LMX1A: variants seen among roughly 807,000 people sequenced by gnomAD.
LMX1A encodes LIM homeobox transcription factor 1-alpha.
LMX1A carries 15 observed loss-of-function variants against 49.1 expected under a neutral mutation model. The ratio of observed to expected loss-of-function variants is 0.31; its 90% CI spans 0.20 to 0.47. The LOEUF (loss-of-function observed/expected upper bound fraction) is 0.47, where lower values mean the gene tolerates loss of function less well. Ranked by LOEUF, LMX1A falls within the 20% of genes least tolerant of loss-of-function variation. The pLI is 1.00. For missense variants in LMX1A, 372 were observed against 475.8 expected, an observed-to-expected ratio of 0.78 and a Z score of 2.03; for synonymous variants, 167 against 185.7, an observed-to-expected ratio of 0.90 and a Z score of 0.82.
At chr1:165,289,242 TAA>T (rs36056880) in intron 3 of LMX1A, among the ~76,000 whole-genome samples, 23,129 of 147,738 alleles carry the variant, frequency 0.16, 2,025 homozygotes, top group Non-Finnish European at 0.2. Context: ...TGATTATTGA[TAA>T]AAAAAAAAAA....
chr1:165,226,488 ACAGT>A (rs1218326403), intron 4 of LMX1A, among the ~76,000 whole-genome samples: 1 of 152,214 alleles, frequency 6.6e-6, no homozygotes, highest in Non-Finnish European at 1.5e-5. Context: ...GTCCTCCCTC[ACAGT>A]CAGCTGTTTC....
At chr1:165,330,638 G>C (rs891044838) in intron 3 of LMX1A, among the ~76,000 whole-genome samples, 1 of 152,160 alleles carries the variant, frequency 6.6e-6, no homozygotes, top group Non-Finnish European at 1.5e-5. Context: ...TATTGAAAGG[G>C]AGTCACCACA....
chr1:165,298,680 G>C (rs2101722468), intron 3 of LMX1A, among the ~76,000 whole-genome samples: 1 of 152,306 alleles, frequency 6.6e-6, no homozygotes, highest in African/African-American at 2.4e-5. Flanking sequence ...CCCACATAAG[G>C]TGTAACTTCC....
Position 165,208,079 on chromosome 1 carries a change from G to T in LMX1A, c.801C>A (p.Thr267=), listed in dbSNP as rs759281992. The part of the protein sequence containing the change: ...QQQQQQDQQN[T]QRLSSAQTNG... ...CCAGCTTACCAGAGCTCAGCCTCTG[G>T]GTGTTCTGCTGATCTTGCTGCTGCT... Residue 267 remains threonine (T), a synonymous_variant, in exon 7 of 9, where the codon ACC becomes ACA. Coordinates refer to ENST00000342310, the MANE Select transcript of LMX1A (RefSeq NM_177398.4). 39 of 1,613,876 alleles carry T rather than the reference G, an allele frequency of 2.4e-5. No individual in the cohort carries two copies. The highest frequency in any genetic ancestry group is 3.3e-5 in the Admixed American group (2 of 60,000).
chr1:165,344,558 G>T (rs1160767135), intron 3 of LMX1A, among the ~76,000 whole-genome samples: 4 of 152,214 alleles, frequency 2.6e-5, no homozygotes, highest in African/African-American at 9.7e-5. Context: ...AAAGGAGGCT[G>T]AAATAAAGGA....
At chr1:165,259,373 C>T (rs1653355379) in intron 3 of LMX1A, among the ~76,000 whole-genome samples, 1 of 152,226 alleles carries the variant, frequency 6.6e-6, no homozygotes, top group African/African-American at 2.4e-5. Flanking sequence ...TAACACCCAG[C>T]ATATGTTCAG....
At chr1:165,244,734 T>A (rs1652780176) in intron 4 of LMX1A, among the ~76,000 whole-genome samples, 2 of 152,218 alleles carry the variant, frequency 1.3e-5, no homozygotes, top group South Asian at 4.1e-4. Flanking sequence ...CTCCAAAGTG[T>A]CTACCAATCT....
rs764510347 is a variant in LMX1A at position 165,213,806 on chromosome 1, A to G, written c.504T>C (p.Ser168=). 4 of 1,613,668 alleles carry G rather than the reference A, an allele frequency of 2.5e-6. No individual in the cohort carries two copies. The South Asian group carries it at 4.4e-5, about 18-fold the overall frequency. Residue 168 remains serine (S), a synonymous_variant, in exon 5 of 9, where the codon AGT becomes AGC. Transcript: ENST00000342310. ...ACTTGCAGAGACTTTCTTCATCATCACTTTTACCTGAAAGAAGCAAAAGAC... is the reference window on the plus strand; with the variant it reads ...ACTTGCAGAGACTTTCTTCATCATCGCTTTTACCTGAAAGAAGCAAAAGAC... ...VSPAASDSGK[S]DDEESLCKSA...
At chr1:165,261,103 C>T (rs1451535416) in intron 3 of LMX1A, among the ~76,000 whole-genome samples, 3 of 152,154 alleles carry the variant, frequency 2.0e-5, no homozygotes, top group Non-Finnish European at 4.4e-5. Flanking sequence ...AGCTCAGGGT[C>T]CTGAATCCCC....
At chr1:165,346,143 G>C (rs1292831872) in intron 3 of LMX1A, among the ~76,000 whole-genome samples, 1 of 152,160 alleles carries the variant, frequency 6.6e-6, no homozygotes, top group Non-Finnish European at 1.5e-5. Flanking sequence ...TGTAGGATAA[G>C]GCACTCCAAT....
chr1:165,240,021 G>T (rs1486669249), intron 4 of LMX1A, among the ~76,000 whole-genome samples: 1 of 152,172 alleles, frequency 6.6e-6, no homozygotes, highest in Non-Finnish European at 1.5e-5. Flanking sequence ...CTTCTGTTAT[G>T]ACCCATGAGT....
At chr1:165,230,431 A>G (rs1040426408) in intron 4 of LMX1A, among the ~76,000 whole-genome samples, 9 of 152,208 alleles carry the variant, frequency 5.9e-5, no homozygotes, top group African/African-American at 2.2e-4. Context: ...CTATCTAGAT[A>G]GTAATCTGTG....
chr1:165,295,137 C>T (rs1654578961), intron 3 of LMX1A, among the ~76,000 whole-genome samples: 1 of 151,970 alleles, frequency 6.6e-6, no homozygotes, highest in Admixed American at 6.6e-5. Flanking sequence ...AGGATTTAAA[C>T]TGATGTTGGA....
chr1:165,219,618 A>G (rs1326687238), intron 4 of LMX1A, among the ~76,000 whole-genome samples: 1 of 152,246 alleles, frequency 6.6e-6, no homozygotes, highest in Non-Finnish European at 1.5e-5. Flanking sequence ...AGAGGCAAAA[A>G]GTGCAGTTCT....
intron 3 of LMX1A, among the ~76,000 whole-genome samples, chr1:165,342,944 G>A: frequency 6.6e-6 from 1 of 152,164 alleles, no homozygotes; most frequent in East Asian, 1.9e-4. Flanking sequence ...GTGACCTTGG[G>A]CAAGTTGTTA....
intron 4 of LMX1A, among the ~76,000 whole-genome samples, chr1:165,245,394 C>A (rs545235600): frequency 6.6e-6 from 1 of 152,178 alleles, no homozygotes; most frequent in Non-Finnish European, 1.5e-5. Flanking sequence ...AGACACAGTT[C>A]TACCCTACGT....
At chr1:165,320,347 C>T (rs934535733) in intron 3 of LMX1A, among the ~76,000 whole-genome samples, 3 of 152,160 alleles carry the variant, frequency 2.0e-5, no homozygotes, top group African/African-American at 7.2e-5. Context: ...GCTGAGGTCT[C>T]GAGCCCACCC....
chr1:165,319,222 TA>T (rs560845922), intron 3 of LMX1A, among the ~76,000 whole-genome samples: 5 of 152,074 alleles, frequency 3.3e-5, no homozygotes, highest in Non-Finnish European at 7.4e-5. Flanking sequence ...AGTTCTGTCT[TA>T]AAAAATAGAT....
At chr1:165,344,170 T>A (rs962153113) in intron 3 of LMX1A, among the ~76,000 whole-genome samples, 1 of 151,998 alleles carries the variant, frequency 6.6e-6, no homozygotes. Flanking sequence ...AAAAGAGGAG[T>A]GCAATCAAAA....
Sources: allele counts gnomAD v4.1 joint callset (sites outside exome capture counted in the v4.1 genomes callset), GRCh38; gene constraint gnomAD v4.1.1; transcripts MANE v1.5; gene names NCBI Gene and HGNC (gene_info 2026-07-23, HGNC 2026-07-21).